The following CNOT10 variants were observed in gnomAD, a reference collection of about 807,000 sequenced individuals.
CNOT10 encodes the protein CCR4-NOT transcription complex subunit 10, also known as CCR4-NOT transcription complex, subunit 10.
In CNOT10, 30 loss-of-function variants were observed where a neutral mutation model predicts 94.6. That is an observed-to-expected ratio of 0.32 (90% CI 0.24 to 0.43). The LOEUF (loss-of-function observed/expected upper bound fraction) is 0.43. Among genes scored for constraint, CNOT10 ranks in the 20% least tolerant of loss-of-function variants. CNOT10 has a pLI of 1.00. For synonymous variants in CNOT10, 289 were observed against 301.6 expected, an observed-to-expected ratio of 0.96 and a Z score of 0.43; for missense variants, 759 against 877.2, an observed-to-expected ratio of 0.87 and a Z score of 1.70.
chr3:32,723,869 C>T (rs1374259778), intron 8 of CNOT10, among the ~76,000 whole-genome samples: 1 of 152,054 alleles, frequency 6.6e-6, no homozygotes, highest in Admixed American at 6.6e-5. Context: ...TCACTTGATT[C>T]CAGGAGTTTG....
At chr3:32,724,537 C>A (rs956106708) in intron 8 of CNOT10, among the ~76,000 whole-genome samples, 1 of 151,924 alleles carries the variant, frequency 6.6e-6, no homozygotes, top group Non-Finnish European at 1.5e-5. Flanking sequence ...CTCAGCCTCC[C>A]GAGTAGCTGG....
At chr3:32,740,637 T>A (rs6773106) in intron 13 of CNOT10, among the ~76,000 whole-genome samples, 1 of 151,826 alleles carries the variant, frequency 6.6e-6, no homozygotes, top group African/African-American at 2.4e-5. Flanking sequence ...CCGAGGCGGG[T>A]GGATCACAAG....
rs143530228 is a variant in CNOT10, at chr3:32,708,839, C to T, written c.430+19C>T. ...CCTTTTGGTATGTTATCTGTCAAGT[C>T]AAAAATTTCCCTATCTTCCCTATAC... On this transcript the variant is annotated intron_variant, in intron 4 of 18. Transcript: ENST00000328834. 9 of 1,589,674 alleles carry T rather than the reference C, an allele frequency of 5.7e-6. No individual in the cohort carries two copies. Among genetic ancestry groups the T allele is most frequent in the Admixed American group, 3.8e-5 (2 of 52,660 alleles).
intron 13 of CNOT10, among the ~76,000 whole-genome samples, chr3:32,749,337 A>G (rs1306024469): frequency 1.3e-5 from 2 of 151,790 alleles, no homozygotes; most frequent in African/African-American, 4.8e-5. Flanking sequence ...ATGAGGATTT[A>G]CCATGTCTTC....
chr3:32,747,999 C>A (rs1003130761), intron 13 of CNOT10, among the ~76,000 whole-genome samples: 106 of 152,142 alleles, frequency 7.0e-4, no homozygotes, highest in Admixed American at 7.9e-4. Context: ...CCGCCATGCC[C>A]AGCTACTTTT....
chr3:32,704,730 A>G, intron 2 of CNOT10, 81 bp from the exon 3 acceptor site: 3 of 1,416,154 alleles, frequency 2.1e-6, no homozygotes, highest in Middle Eastern at 3.8e-4. Context: ...ATAAAGATGA[A>G]TGAAATATAT....
intron 8 of CNOT10, among the ~76,000 whole-genome samples, chr3:32,724,849 G>A (rs1419869807): frequency 6.7e-6 from 1 of 148,396 alleles, no homozygotes; most frequent in Non-Finnish European, 1.5e-5. Context: ...ATGAGCCATC[G>A]TACCCAGCCT....
At position 32,748,027 on chromosome 3, in the gene CNOT10, A is replaced by G. The variant is rs549700410; in HGVS notation, c.1595+10537A>G. Among the ~76,000 whole-genome samples the G allele has an allele frequency of 3.3e-5, 5 of 152,250 alleles. No individual in the cohort carries two copies. The East Asian group carries it at 7.7e-4, about 23-fold the overall frequency. ...CTACTTTTTTATTTTTTGTAGAGCC[A>G]GGGTCCCACTGTGTTAACCAATCTA... is the stretch of plus-strand genomic sequence containing the variant. On this transcript the variant is annotated intron_variant, in intron 13 of 18. Coordinates refer to ENST00000328834, the MANE Select transcript of CNOT10 (RefSeq NM_015442.3).
intron 13 of CNOT10, among the ~76,000 whole-genome samples, chr3:32,756,195 T>A (rs1275474806): frequency 6.6e-6 from 1 of 152,190 alleles, no homozygotes; most frequent in South Asian, 2.1e-4. Flanking sequence ...AGCATAAATG[T>A]TGGTTTGAGT....
At chr3:32,711,133 C>T (rs935072383) in intron 4 of CNOT10, among the ~76,000 whole-genome samples, 1 of 152,108 alleles carries the variant, frequency 6.6e-6, no homozygotes, top group Non-Finnish European at 1.5e-5. Flanking sequence ...AAACTCTTTA[C>T]CCCCGTTAAG....
chr3:32,753,341 C>A, intron 13 of CNOT10: 1 of 1,195,002 alleles, frequency 8.4e-7, no homozygotes, highest in Non-Finnish European at 1.2e-6. Flanking sequence ...TGACTGGTAT[C>A]AAACAGAATC....
At chr3:32,768,582 TC>T (rs1324513578) in intron 17 of CNOT10, among the ~76,000 whole-genome samples, 6 of 87,352 alleles carry the variant, frequency 6.9e-5, no homozygotes, top group Admixed American at 1.2e-4. Flanking sequence ...AAACTCCGTC[TC>T]AAAAAAAAAA....
At chr3:32,701,934 A>G (rs897557704) in intron 1 of CNOT10, among the ~76,000 whole-genome samples, 1 of 152,018 alleles carries the variant, frequency 6.6e-6, no homozygotes, top group African/African-American at 2.4e-5. Flanking sequence ...CTGGGACTAC[A>G]GGTGCCCGCC....
At chr3:32,685,679 A>G (rs974402528) in intron 1 of CNOT10, among the ~76,000 whole-genome samples, 197 bp downstream of exon 1, 4 of 152,122 alleles carry the variant, frequency 2.6e-5, no homozygotes, top group Non-Finnish European at 5.9e-5. Context: ...TGTTTTACTC[A>G]AGTGCAGTAT....
chr3:32,700,066 C>T (rs1483338282), intron 1 of CNOT10, among the ~76,000 whole-genome samples: 1 of 150,538 alleles, frequency 6.6e-6, no homozygotes, highest in Non-Finnish European at 1.5e-5. Context: ...ACCTCTGCCT[C>T]CCAGGTTCAA....
rs1393116717 is a variant in CNOT10, at chr3:32,759,504, G to C, written c.1642G>C (p.Asp548His). 1 of 1,614,070 alleles carries C rather than the reference G, an allele frequency of 6.2e-7. No individual in the cohort carries two copies. Among genetic ancestry groups the C allele is most frequent in the Admixed American group, 1.7e-5 (1 of 59,996 alleles). Reference protein sequence around the residue: ...CSAYVALALGDNLMALNHADK... With the variant: ...CSAYVALALGHNLMALNHADK... ...TGCCTACGTGGCTCTGGCTTTGGGT[G>C]ATAACCTCATGGCTTTGAATCATGC... is the stretch of plus-strand genomic sequence containing the variant. Residue 548 changes from aspartate (D) to histidine (H), a missense_variant, in exon 14 of 19, where the codon GAT (aspartate) becomes CAT (histidine). Coordinates refer to ENST00000328834, the MANE Select transcript of CNOT10 (RefSeq NM_015442.3).
intron 8 of CNOT10, among the ~76,000 whole-genome samples, chr3:32,723,918 A>C (rs1303807279): frequency 6.6e-6 from 1 of 152,084 alleles, no homozygotes; most frequent in Admixed American, 6.6e-5. Flanking sequence ...GTCTCTGCAA[A>C]AAAATTAAAA....
Position 32,733,513 on chromosome 3 carries a change from G to A in CNOT10, c.1306G>A (p.Ala436Thr). 1 of 1,599,284 alleles carries A rather than the reference G, an allele frequency of 6.3e-7. No homozygotes were observed. Among genetic ancestry groups the A allele is most frequent in the Non-Finnish European group, 8.6e-7 (1 of 1,168,722 alleles). ...GQGYHRKIVL[A>T]SQSIQNTVYN... Reference sequence around the variant, plus strand: ...AGGCTATCATCGTAAAATAGTTTTGGCATCACAGTCTATACAGAATACTGT... The same window carrying A: ...AGGCTATCATCGTAAAATAGTTTTGACATCACAGTCTATACAGAATACTGT... Residue 436 changes from alanine (A) to threonine (T), a missense_variant, in exon 11 of 19, where the codon GCA becomes ACA. Ala to Thr is a moderately conservative substitution (Grantham distance 58). Transcript: ENST00000328834.
intron 13 of CNOT10, 68 bp downstream of exon 13, chr3:32,737,558 C>G: frequency 1.0e-6 from 1 of 994,312 alleles, no homozygotes; most frequent in African/African-American, 1.6e-5. Context: ...GGCACAGTGG[C>G]TCATACCTCT....
Sources: gnomAD v4.1 joint callset for allele counts (sites outside exome capture counted in the v4.1 genomes callset) on GRCh38, gnomAD v4.1.1 for gene constraint, MANE v1.5 for transcripts, NCBI Gene and HGNC (gene_info 2026-07-23, HGNC 2026-07-21) for gene names.